RPS27L: variants seen among roughly 807,000 people sequenced by gnomAD.
The protein encoded by RPS27L is ribosomal protein S27 like.
A neutral mutation model predicts 12.8 loss-of-function variants in RPS27L; 10 were observed. The observed-to-expected ratio is 0.78, with a 90% CI of 0.48 to 1.33. RPS27L has a LOEUF of 1.33. Among genes scored for constraint, RPS27L ranks in the 40% most tolerant of loss-of-function variants. RPS27L has a pLI of 0.00. For missense variants in RPS27L, 81 were observed against 97.4 expected, an observed-to-expected ratio of 0.83 and a Z score of 0.71; for synonymous variants, 26 against 32.3, an observed-to-expected ratio of 0.81 and a Z score of 0.66.
At position 63,150,758 on chromosome 15, in the gene RPS27L, AGC is replaced by A. The variant is rs1421476721; in HGVS notation, c.*3272_*3273del. The A allele has an allele frequency of 2.0e-5, 3 of 152,214 alleles. No homozygotes were observed. Among genetic ancestry groups the A allele is most frequent in the Non-Finnish European group, 4.4e-5 (3 of 68,088 alleles). The allele number at this position is 152,214 out of a possible 1,614,324, so 9.4% of individuals were successfully genotyped here. ...CAGGTTCACGCCATTCTCCTGCCTC[AGC>A]CTCCCAAGTAGCTGGGACTACAGGC... On this transcript the variant is annotated 3_prime_UTR_variant, in exon 4 of 4. Coordinates refer to ENST00000330964, the MANE Select transcript of RPS27L (RefSeq NM_015920.4).
In RPS27L at chr15:63,153,294, G is replaced by A. The variant is rs1419215684; in HGVS notation, c.*738C>T. On this transcript the variant is annotated 3_prime_UTR_variant, in exon 4 of 4. Transcript: ENST00000330964. Reference sequence around the variant, plus strand: ...AGTTACTGTCCTAAATTATATAGTAGTATAGCAAGGCCACATAAATCCAAG... The same window carrying A: ...AGTTACTGTCCTAAATTATATAGTAATATAGCAAGGCCACATAAATCCAAG... 6.6e-6 allele frequency: 1 copy of A among 152,138 alleles called. No homozygotes were observed. Among genetic ancestry groups the A allele is most frequent in the Non-Finnish European group, 1.5e-5 (1 of 68,040 alleles). The allele number at this position is 152,138 out of a possible 1,614,324, so 9.4% of individuals were successfully genotyped here.
At position 63,153,741 on chromosome 15, in the gene RPS27L, A is replaced by AT; in HGVS notation, c.*290_*291insA. 2 of 302,280 alleles carry AT rather than the reference A, an allele frequency of 6.6e-6. No individual in the cohort carries two copies. Among genetic ancestry groups the AT allele is most frequent in the Admixed American group, 4.9e-5 (1 of 20,272 alleles). 18.7% of individuals were successfully genotyped at this position (302,280 alleles called of 1,614,324 possible). On this transcript the variant is annotated 3_prime_UTR_variant, in exon 4 of 4. Transcript: ENST00000330964. ...CTCTCTCTCTCAAAAAAAAAAAAAA[A>AT]GACACAAACTAATCAGAATAAATTT...
rs765457021 is a variant in RPS27L at position 63,157,447 on chromosome 15, C to G, written c.-42G>C. Reference sequence around the variant, plus strand: ...GCTCAGCCCTACCAGACCTCCCAGCCCACACAGCTAGCAAGCTGCAAGCGA... The same window carrying G: ...GCTCAGCCCTACCAGACCTCCCAGCGCACACAGCTAGCAAGCTGCAAGCGA... On this transcript the variant is annotated 5_prime_UTR_variant, in exon 1 of 4. Transcript: ENST00000330964. The G allele has an allele frequency of 2.5e-6, 4 of 1,612,992 alleles. No homozygotes were observed. The East Asian group carries it at 6.7e-5, about 27-fold the overall frequency.
chr15:63,148,628 C>T lies in RPS27L; in HGVS notation c.*5404G>A, dbSNP rs1006439918. ...GCTTCCCTAAGATTTAAAATGAAAG[C>T]TTATTAACTAAATTAGGACTATTCT... On this transcript the variant is annotated 3_prime_UTR_variant, in exon 4 of 4. Transcript: ENST00000330964. The T allele has an allele frequency of 6.6e-6, 1 of 152,090 alleles. No individual in the cohort carries two copies. Among genetic ancestry groups the T allele is most frequent in the Admixed American group, 6.6e-5 (1 of 15,264 alleles). The allele number at this position is 152,090 out of a possible 1,614,324, so 9.4% of individuals were successfully genotyped here. A position where few individuals can be genotyped will look rare whatever the true frequency, so the allele number is the denominator to read the frequency against.
intron 2 of RPS27L, 47 bp downstream of exon 2, chr15:63,156,366 C>A (rs766751169): frequency 1.0e-6 from 1 of 992,454 alleles, no homozygotes; most frequent in Non-Finnish European, 1.6e-6. Context: ...ACTAGCAATC[C>A]CTACAGAAAT....
rs779419125 is a variant in RPS27L at position 63,153,983 on chromosome 15, C to T, written c.*49G>A. Reference sequence around the variant, plus strand: ...TAGAATTATGGAATTTATGATAAGGCTTTCTGTGAGACAACACAAAATTAA... The same window carrying T: ...TAGAATTATGGAATTTATGATAAGGTTTTCTGTGAGACAACACAAAATTAA... On this transcript the variant is annotated 3_prime_UTR_variant, in exon 4 of 4. Coordinates refer to ENST00000330964, the MANE Select transcript of RPS27L (RefSeq NM_015920.4). 3 of 1,449,258 alleles carry T rather than the reference C, an allele frequency of 2.1e-6. No individual in the cohort carries two copies. In the South Asian group the frequency reaches 3.5e-5, roughly 17 times the overall value. The allele number at this position is 1,449,258 out of a possible 1,614,324, so 89.8% of individuals were successfully genotyped here.
Position 63,156,469 on chromosome 15 carries a change from TTA to T in RPS27L, c.57_58del (p.His19GlnfsTer61), listed in dbSNP as rs778278352. ...TGGACTTTGTACTAGGCGTTTCTTT[TTA>T]TGTTTTTTCTTTTCCTCTTCCAAGG... On this transcript the variant is annotated frameshift_variant, in exon 2 of 4. Transcript: ENST00000330964. LOFTEE classifies it high-confidence loss of function. 10 of 1,607,304 alleles carry T rather than the reference TTA, an allele frequency of 6.2e-6. No individual in the cohort carries two copies. The highest frequency in any genetic ancestry group is 1.1e-5 in the South Asian group (1 of 89,486).
At chr15:63,156,740 G>A in intron 1 of RPS27L, 3 of 606,798 alleles carry the variant, frequency 4.9e-6, no homozygotes, top group Non-Finnish European at 8.6e-6. Flanking sequence ...GCTTTCGCAC[G>A]ATCAGGAAAC....
intron 3 of RPS27L, 175 bp downstream of exon 3, chr15:63,155,446 G>A: frequency 4.5e-6 from 2 of 442,364 alleles, no homozygotes. Flanking sequence ...GGAGTTCACT[G>A]CAAGGTCAAG....
In RPS27L at chr15:63,155,674, C is replaced by A. The variant is rs755957336; in HGVS notation, c.173G>T (p.Gly58Val). ...AGGCTGGCACAACACTGTTGAACAA[C>A]CTACACAAAGAACCACTGTCTGAGC... ...SHAQTVVLCV[G>V]CSTVLCQPTG... Residue 58 changes from glycine to valine, a missense_variant, in exon 3 of 4, where the codon GGT becomes GTT. Gly to Val is a moderately radical substitution (Grantham distance 109). Coordinates refer to ENST00000330964, the MANE Select transcript of RPS27L (RefSeq NM_015920.4). 6 of 1,579,302 alleles carry A rather than the reference C, an allele frequency of 3.8e-6. No homozygotes were observed. Among genetic ancestry groups the A allele is most frequent in the Non-Finnish European group, 8.6e-7 (1 of 1,162,850 alleles).
chr15:63,153,988 T>G lies in RPS27L; in HGVS notation c.*44A>C. On this transcript the variant is annotated 3_prime_UTR_variant, in exon 4 of 4. Coordinates refer to ENST00000330964, the MANE Select transcript of RPS27L (RefSeq NM_015920.4). ...TTATGGAATTTATGATAAGGCTTTC[T>G]GTGAGACAACACAAAATTAAAATTC... 6.7e-7 allele frequency: 1 copy of G among 1,482,570 alleles called. No homozygotes were observed. Among genetic ancestry groups the G allele is most frequent in the Non-Finnish European group, 9.4e-7 (1 of 1,067,802 alleles). The allele number at this position is 1,482,570 out of a possible 1,614,324, so 91.8% of individuals were successfully genotyped here. A position where few individuals can be genotyped will look rare whatever the true frequency, so the allele number is the denominator to read the frequency against.
rs747124697 is a variant in RPS27L, at chr15:63,148,726, G to T, written c.*5306C>A. ...GTAGCCCTAGTAGTGTAGGGGGAAA[G>T]CGAGCCAGAATCAGTAGGACACAAA... On this transcript the variant is annotated 3_prime_UTR_variant, in exon 4 of 4. Coordinates refer to ENST00000330964, the MANE Select transcript of RPS27L (RefSeq NM_015920.4). The T allele has an allele frequency of 2.0e-5, 3 of 152,132 alleles. No homozygotes were observed. Among genetic ancestry groups the T allele is most frequent in the Non-Finnish European group, 4.4e-5 (3 of 68,028 alleles). The allele number at this position is 152,132 out of a possible 1,614,324, so 9.4% of individuals were successfully genotyped here. A position where few individuals can be genotyped will look rare whatever the true frequency, so the allele number is the denominator to read the frequency against.
At position 63,157,451 on chromosome 15, in the gene RPS27L, A is replaced by C. The variant is rs1198167648; in HGVS notation, c.-46T>G. On this transcript the variant is annotated 5_prime_UTR_variant, in exon 1 of 4. Coordinates refer to ENST00000330964, the MANE Select transcript of RPS27L (RefSeq NM_015920.4). ...AGCCCTACCAGACCTCCCAGCCCAC[A>C]CAGCTAGCAAGCTGCAAGCGATCTG... 1.9e-6 allele frequency: 3 copies of C among 1,611,666 alleles called. No homozygotes were observed. Among genetic ancestry groups the C allele is most frequent in the Admixed American group, 3.3e-5 (2 of 59,992 alleles).
At position 63,156,517 on chromosome 15, in the gene RPS27L, G is replaced by A; in HGVS notation, c.11C>T (p.Ala4Val). 1 of 1,582,852 alleles carries A rather than the reference G, an allele frequency of 6.3e-7. No individual in the cohort carries two copies. The highest frequency in any genetic ancestry group is 8.7e-7 in the Non-Finnish European group (1 of 1,154,042). The change falls in exon 2 of 4, where the codon GCT becomes GTT. Residue 4 changes from alanine to valine, a missense_variant. Coordinates refer to ENST00000330964, the MANE Select transcript of RPS27L (RefSeq NM_015920.4). ...CAAGGACGGATGTAGTAAATCTCTA[G>A]CCAACTGAACAAAGAAGCATATTAT... MPL[A>V]RDLLHPSLEE...
rs746756089 is a variant in RPS27L, at chr15:63,153,958, T to A, written c.*74A>T. On this transcript the variant is annotated 3_prime_UTR_variant, in exon 4 of 4. Coordinates refer to ENST00000330964, the MANE Select transcript of RPS27L (RefSeq NM_015920.4). ...AATTACATTATCTTGGTAAATTAAT[T>A]AGAATTATGGAATTTATGATAAGGC... The A allele has an allele frequency of 1.6e-4, 200 of 1,219,020 alleles. 1 individual carries two copies. Among genetic ancestry groups the A allele is most frequent in the Middle Eastern group, 4.1e-4 (2 of 4,880 alleles). The allele number at this position is 1,219,020 out of a possible 1,614,324, so 75.5% of individuals were successfully genotyped here. A position where few individuals can be genotyped will look rare whatever the true frequency, so the allele number is the denominator to read the frequency against.
At position 63,156,478 on chromosome 15, in the gene RPS27L, T is replaced by C. The variant is rs774705810; in HGVS notation, c.50A>G (p.Lys17Arg). ...TACTAGGCGTTTCTTTTTATGTTTT[T>C]TCTTTTCCTCTTCCAAGGACGGATG... Reference protein sequence around the residue: ...LLHPSLEEEKKKHKKKRLVQS... With the variant: ...LLHPSLEEEKRKHKKKRLVQS... The change falls in exon 2 of 4, where the codon AAA becomes AGA. Residue 17 changes from lysine to arginine, a missense_variant. Transcript: ENST00000330964. 6.2e-7 allele frequency: 1 copy of C among 1,608,142 alleles called. No individual in the cohort carries two copies. The highest frequency in any genetic ancestry group is 8.5e-7 in the Non-Finnish European group (1 of 1,176,932).
intron 1 of RPS27L, chr15:63,156,795 G>T (rs954737226): frequency 3.5e-6 from 2 of 573,402 alleles, no homozygotes; most frequent in East Asian, 6.0e-5. Flanking sequence ...ACTGCGTAAT[G>T]AACTGTCTTC....
In RPS27L at chr15:63,150,062, C is replaced by T. The variant is rs2037289950; in HGVS notation, c.*3970G>A. ...ACTGCACTCCACCTAGGGAACAGAG[C>T]AAGACTCCATCTCAAAAATAAATAA... On this transcript the variant is annotated 3_prime_UTR_variant, in exon 4 of 4. Coordinates refer to ENST00000330964, the MANE Select transcript of RPS27L (RefSeq NM_015920.4). 6.6e-6 allele frequency: 1 copy of T among 152,108 alleles called. No homozygotes were observed. The highest frequency in any genetic ancestry group is 2.4e-5 in the African/African-American group (1 of 41,390). The allele number at this position is 152,108 out of a possible 1,614,324, so 9.4% of individuals were successfully genotyped here.
At position 63,153,742 on chromosome 15, in the gene RPS27L, G is replaced by T; in HGVS notation, c.*290C>A. 6.5e-5 allele frequency: 16 copies of T among 244,490 alleles called. No homozygotes were observed. Among genetic ancestry groups the T allele is most frequent in the East Asian group, 1.1e-4 (1 of 9,470 alleles). 15.1% of individuals were successfully genotyped at this position (244,490 alleles called of 1,614,324 possible). A position where few individuals can be genotyped will look rare whatever the true frequency, so the allele number is the denominator to read the frequency against. ...TCTCTCTCTCAAAAAAAAAAAAAAAGACACAAACTAATCAGAATAAATTTT... is the reference window on the plus strand; with the variant it reads ...TCTCTCTCTCAAAAAAAAAAAAAAATACACAAACTAATCAGAATAAATTTT... On this transcript the variant is annotated 3_prime_UTR_variant, in exon 4 of 4. Coordinates refer to ENST00000330964, the MANE Select transcript of RPS27L (RefSeq NM_015920.4).
Sources: gnomAD v4.1 joint callset for allele counts on GRCh38, gnomAD v4.1.1 for gene constraint, MANE v1.5 for transcripts, NCBI Gene and HGNC (gene_info 2026-07-23, HGNC 2026-07-21) for gene names.